Variants in DPH6 observed in about 807,000 individuals in gnomAD.
The protein encoded by DPH6 is diphthine--ammonia ligase.
A neutral mutation model predicts 38.2 loss-of-function variants in DPH6; 33 were observed. The ratio of observed to expected loss-of-function variants is 0.86; its 90% CI spans 0.65 to 1.15. The LOEUF (loss-of-function observed/expected upper bound fraction) is 1.15, where lower values mean the gene tolerates loss of function less well. Among genes scored for constraint, DPH6 ranks in the 50% most tolerant of loss-of-function variants. The pLI, the probability that DPH6 is intolerant of heterozygous loss-of-function variation, is 0.00. For synonymous variants in DPH6, 108 were observed against 103.0 expected (o/e 1.05, Z -0.30); for missense variants, 325 against 320.0 (o/e 1.02, Z -0.12).
chr15:35,546,118 C>G lies in DPH6; in HGVS notation c.23+1G>C. On this transcript the variant is annotated splice_donor_variant, in intron 1 of 8. Transcript: ENST00000256538. LOFTEE classifies it high-confidence loss of function. The stretch of plus-strand genomic sequence containing the variant: ...AGGAGGCGGCTCCAGGACCGCATTA[C>G]CTGATCAGAGCCGCGACCCTCATGC... 7.1e-7 allele frequency: 1 copy of G among 1,409,592 alleles called. No homozygotes were observed. The allele number at this position is 1,409,592 out of a possible 1,614,324, so 87.3% of individuals were successfully genotyped here.
At chr15:35,221,691 T>C (rs933595721) in intron 3 of DPH6, among the ~76,000 whole-genome samples, 4 of 152,212 alleles carry the variant, frequency 2.6e-5, no homozygotes, top group African/African-American at 7.2e-5. Flanking sequence ...CTTCTATCCA[T>C]ACTAATCCCA....
At chr15:35,401,557 G>A (rs2053219859) in intron 6 of DPH6, 1 of 771,278 alleles carries the variant, frequency 1.3e-6, no homozygotes, top group African/African-American at 1.7e-5. Flanking sequence ...TGGTGGTAGT[G>A]GAAGCAATTT....
chr15:35,397,993 AC>A (rs1263745669), intron 6 of DPH6, among the ~76,000 whole-genome samples: 1 of 152,054 alleles, frequency 6.6e-6, no homozygotes, highest in Non-Finnish European at 1.5e-5. Flanking sequence ...CTCCTTCAAG[AC>A]AGGAGAATGG....
chr15:35,280,041 G>T (rs188267020), intron 3 of DPH6, among the ~76,000 whole-genome samples: 2 of 152,252 alleles, frequency 1.3e-5, no homozygotes, highest in East Asian at 3.9e-4. Flanking sequence ...AAACCAAATT[G>T]GCTGGCACCT....
intron 3 of DPH6, among the ~76,000 whole-genome samples, chr15:35,267,896 C>T (rs927737586): frequency 8.5e-5 from 13 of 152,194 alleles, no homozygotes; most frequent in African/African-American, 2.6e-4. Flanking sequence ...CTAGGCCAGG[C>T]GCGGTGGCTC....
intron 3 of DPH6, among the ~76,000 whole-genome samples, chr15:35,532,506 G>GA (rs1413427708): frequency 6.6e-6 from 1 of 152,052 alleles, no homozygotes; most frequent in African/African-American, 2.4e-5. Flanking sequence ...AAGGGACTGA[G>GA]AAAAAATGGA....
In DPH6 at chr15:35,517,435, A is replaced by T. The variant is rs1009296661; in HGVS notation, c.312+20839T>A. Reference sequence around the variant, plus strand: ...TTGCAAAGAAAAAATACCTTATTCAATTTTTTTCTTTGGTAGACAGCATCT... The same window carrying T: ...TTGCAAAGAAAAAATACCTTATTCATTTTTTTTCTTTGGTAGACAGCATCT... On this transcript the variant is annotated intron_variant, in intron 3 of 8. Transcript: ENST00000256538. Among the ~76,000 whole-genome samples, 6 of 151,986 alleles carry T rather than the reference A, an allele frequency of 3.9e-5. No homozygotes were observed. In the East Asian group the frequency reaches 1.2e-3, roughly 29 times the overall value.
chr15:35,181,002 G>C, the DPH6 span, among the ~76,000 whole-genome samples: 106 of 152,268 alleles, frequency 7.0e-4, no homozygotes, highest in African/African-American at 2.4e-3. Flanking sequence ...GTTGACATTA[G>C]TGTTCTCTCA....
chr15:35,496,565 A>AT lies in DPH6; in HGVS notation c.312+41708_312+41709insA, dbSNP rs1467883229. On this transcript the variant is annotated intron_variant, in intron 3 of 8. Coordinates refer to ENST00000256538, the MANE Select transcript of DPH6 (RefSeq NM_080650.4). ...ACGAAAGTTCCATCTCAAAAAAAAA[A>AT]AAATATATATATATATATATATATA... Among the ~76,000 whole-genome samples the AT allele has an allele frequency of 2.3e-3, 46 of 20,152 alleles. 3 individuals carry two copies. The highest frequency in any genetic ancestry group is 7.1e-3 in the East Asian group (2 of 282). 13.2% of individuals were successfully genotyped at this position (20,152 alleles called of 152,430 possible).
chr15:35,434,868 G>T (rs1279527024), intron 5 of DPH6, among the ~76,000 whole-genome samples: 2 of 152,110 alleles, frequency 1.3e-5, no homozygotes, highest in Non-Finnish European at 2.9e-5. Context: ...CCGGCTCCCA[G>T]GCTCAAGTGA....
At chr15:35,299,067 G>C in intron 3 of DPH6, 1 of 750,200 alleles carries the variant, frequency 1.3e-6, no homozygotes, top group Non-Finnish European at 2.3e-6. Flanking sequence ...TATTTCTTCT[G>C]TCTTTCCAGC....
Position 35,487,151 on chromosome 15 carries a change from G to A in DPH6, c.313-32331C>T, listed in dbSNP as rs548111226. ...GCAGCTGCTTTCATGGGCTGGTGTT[G>A]AGTGCCTGTGGCTTTTCCAGGCACA... On this transcript the variant is annotated intron_variant, in intron 3 of 8. Coordinates refer to ENST00000256538, the MANE Select transcript of DPH6 (RefSeq NM_080650.4). 4.1e-4 allele frequency among the ~76,000 whole-genome samples: 63 copies of A among 152,320 alleles called. 1 individual carries two copies. The highest frequency in any genetic ancestry group is 3.4e-3 in the Middle Eastern group (1 of 294).
intron 3 of DPH6, among the ~76,000 whole-genome samples, chr15:35,456,434 TCTTC>T (rs2053997514): frequency 2.0e-5 from 3 of 149,180 alleles, no homozygotes; most frequent in African/African-American, 7.3e-5. Context: ...ACTGTTGTTT[TCTTC>T]CTTAACTAAG....
intron 3 of DPH6, among the ~76,000 whole-genome samples, chr15:35,497,576 G>A (rs966082785): frequency 2.0e-5 from 3 of 152,050 alleles, no homozygotes; most frequent in African/African-American, 7.2e-5. Context: ...GTTGATTCAC[G>A]ACAAGTAAAA....
chr15:35,185,202 T>A, the DPH6 span, among the ~76,000 whole-genome samples: 1 of 152,168 alleles, frequency 6.6e-6, no homozygotes, highest in Non-Finnish European at 1.5e-5. Flanking sequence ...AATAATTTCA[T>A]CTGGGTTGCC....
chr15:35,372,421 A>G (rs1019143448), intron 8 of DPH6: 10 of 344,518 alleles, frequency 2.9e-5, no homozygotes, highest in Non-Finnish European at 5.2e-5. Flanking sequence ...AGAGCTGAAC[A>G]TAGAATGGCT....
chr15:35,286,836 C>T (rs192457571), intron 3 of DPH6, among the ~76,000 whole-genome samples: 1 of 151,990 alleles, frequency 6.6e-6, no homozygotes, highest in Admixed American at 6.6e-5. Context: ...TTTGTTCTCC[C>T]CTGAAGATTA....
chr15:35,250,126 C>T lies in DPH6; in HGVS notation n.201-29544G>A, dbSNP rs184616966. ...CCGGGAGGCAGAGCTTGCAGTGAGC[C>T]GAGATCGCGCCACTGCACTCCAGCC... is the stretch of plus-strand genomic sequence containing the variant. On this transcript the variant is annotated intron_variant and non_coding_transcript_variant, in intron 3 of 3. Coordinates refer to the DPH6 transcript ENST00000560386. Among the ~76,000 whole-genome samples the T allele has an allele frequency of 5.0e-3, 763 of 151,410 alleles. 3 individuals are homozygous for T. The highest frequency in any genetic ancestry group is 8.5e-3 in the Non-Finnish European group (575 of 67,902).
At chr15:35,254,739 G>A (rs948820495) in intron 3 of DPH6, among the ~76,000 whole-genome samples, 1 of 152,144 alleles carries the variant, frequency 6.6e-6, no homozygotes, top group African/African-American at 2.4e-5. Context: ...ATTTCACCTG[G>A]GTGCAGGTGG....
Sources: gnomAD v4.1 joint callset for allele counts (sites outside exome capture counted in the v4.1 genomes callset) on GRCh38, gnomAD v4.1.1 for gene constraint, MANE v1.5 for transcripts, NCBI Gene and HGNC (gene_info 2026-07-23, HGNC 2026-07-21) for gene names.